Variants in ABL1 observed in about 807,000 individuals in gnomAD.
ABL1 encodes tyrosine-protein kinase ABL1.
ABL1 carries 11 observed loss-of-function variants against 94.7 expected under a neutral mutation model. That is an observed-to-expected ratio of 0.12 (90% CI 0.07 to 0.19). The LOEUF is 0.19. ABL1 is among the 10% of genes least tolerant of loss of function. The pLI is 1.00. For synonymous variants in ABL1, 656 were observed against 622.4 expected (o/e 1.05, Z -0.80); for missense variants, 1,082 against 1,489.4 (o/e 0.73, Z 4.50).
intron 10 of ABL1, among the ~76,000 whole-genome samples, chr9:130,881,408 A>C (rs1831450288): frequency 6.6e-6 from 1 of 151,950 alleles, no homozygotes; most frequent in African/African-American, 2.4e-5. Context: ...GGTTTCACTG[A>C]CTCACAGTTC....
rs12338392 is a variant in ABL1, at chr9:130,815,112, T to A, written c.137-38952T>A. On this transcript the variant is annotated intron_variant, in intron 1 of 10. Coordinates refer to the ABL1 transcript ENST00000372348. The stretch of plus-strand genomic sequence containing the variant: ...ACTTTGGGAGGCTGAGGCAGGTGGA[T>A]CACCTGAGGTCAGGAGTTACAAACC... Among the ~76,000 whole-genome samples, 998 of 152,176 alleles carry A rather than the reference T, an allele frequency of 6.6e-3. 13 individuals are homozygous for A. The highest frequency in any genetic ancestry group is 0.023 in the African/African-American group (935 of 41,502).
At chr9:130,787,640 C>A (rs1008655523) in intron 1 of ABL1, among the ~76,000 whole-genome samples, 2 of 152,152 alleles carry the variant, frequency 1.3e-5, no homozygotes, top group Admixed American at 6.6e-5. Context: ...GGGGTGCTCT[C>A]TCCAGCCTCG....
chr9:130,847,023 CAG>C (rs1830783773), intron 1 of ABL1, among the ~76,000 whole-genome samples: 1 of 151,938 alleles, frequency 6.6e-6, no homozygotes, highest in Non-Finnish European at 1.5e-5. Context: ...CTGTCATAGA[CAG>C]AGCCAGAGCT....
In ABL1 at chr9:130,863,765, C is replaced by T. The variant is rs922387116; in HGVS notation, c.822+730C>T. ...CCCTTTGCATTCTTCAAAATGTGAT[C>T]CAGGCTTTTCCCTGTGGCGAGGGTG... On this transcript the variant is annotated intron_variant, in intron 4 of 10. Coordinates refer to ENST00000318560, the MANE Select transcript of ABL1 (RefSeq NM_005157.6). This position sits in a 1 kb window ranked among gnomAD's most constrained non-coding sequence, Gnocchi z 4.3. 6.6e-6 allele frequency among the ~76,000 whole-genome samples: 1 copy of T among 152,178 alleles called. No homozygotes were observed. The highest frequency in any genetic ancestry group is 1.5e-5 in the Non-Finnish European group (1 of 68,022).
intron 1 of ABL1, among the ~76,000 whole-genome samples, chr9:130,846,095 GTGTGTGTGTGTGTGCT>G (rs540346257): frequency 0.019 from 2,858 of 151,938 alleles, 37 homozygotes; most frequent in Middle Eastern, 0.061. Flanking sequence ...GTGTGTGTGT[GTGTGTGTGTGTGTGCT>G]TGTGTGTGTG....
chr9:130,845,992 C>T (rs963297075), intron 1 of ABL1, among the ~76,000 whole-genome samples: 2 of 152,200 alleles, frequency 1.3e-5, no homozygotes, highest in Non-Finnish European at 2.9e-5. Flanking sequence ...CTTTCCCCCA[C>T]TGCCCTGCCC....
chr9:130,786,496 A>G (rs529326805), intron 1 of ABL1, among the ~76,000 whole-genome samples: 2 of 152,328 alleles, frequency 1.3e-5, no homozygotes, highest in African/African-American at 4.8e-5. Context: ...TAATTCTTTT[A>G]TTAAATTTTC....
chr9:130,884,082 A>T lies in ABL1; in HGVS notation c.1792A>T (p.Asn598Tyr). ...CCTTCTCCCCAAAGACAAAAAGACC[A>T]ACTTGTTCAGCGCCTTGATCAAGAA... Reference protein sequence around the residue: ...ERLLPKDKKTNLFSALIKKKK... With the variant: ...ERLLPKDKKTYLFSALIKKKK... Residue 598 changes from asparagine (N) to tyrosine (Y), a missense_variant, in exon 11 of 11, where the codon AAC (asparagine) becomes TAC (tyrosine). This residue lies in a region of ABL1 where 780 missense variants were observed against 835.8 expected (regional missense o/e 0.93). Transcript: ENST00000318560. The surrounding 1 kb of genome is among the most constrained non-coding windows in gnomAD (Gnocchi z 5.6). 6.2e-7 allele frequency: 1 copy of T among 1,613,920 alleles called. No individual in the cohort carries two copies.
chr9:130,714,646 A>G (rs909538567), intron 1 of ABL1: 7 of 776,768 alleles, frequency 9.0e-6, no homozygotes, highest in African/African-American at 8.6e-5. Context: ...GCTTTATTCA[A>G]AATCTATTTG....
chr9:130,821,316 AGGC>A (rs1272687321), intron 1 of ABL1, among the ~76,000 whole-genome samples: 1 of 152,094 alleles, frequency 6.6e-6, no homozygotes, highest in Non-Finnish European at 1.5e-5. Context: ...TTCCAGCCCC[AGGC>A]GACCATTCAT....
In ABL1 at chr9:130,844,135, G is replaced by A. The variant is rs114045850; in HGVS notation, c.79+8610G>A. Among the ~76,000 whole-genome samples, 924 of 152,258 alleles carry A rather than the reference G, an allele frequency of 6.1e-3. 8 individuals are homozygous for A. The highest frequency in any genetic ancestry group is 0.021 in the African/African-American group (863 of 41,540). On this transcript the variant is annotated intron_variant, in intron 1 of 10. Transcript: ENST00000318560. ...AAGCCCATGCTCTCTTCTGCCTCTC[G>A]GCTGGCAGCCATCTCTAAGGGATTT...
intron 1 of ABL1, among the ~76,000 whole-genome samples, chr9:130,810,062 C>G (rs565596750): frequency 1.3e-5 from 2 of 152,212 alleles, no homozygotes; most frequent in East Asian, 3.9e-4. Flanking sequence ...TAGGTATGAG[C>G]AGAAGTAGTA....
In ABL1 at chr9:130,880,776, A is replaced by G; in HGVS notation, c.1678+112A>G. Reference sequence around the variant, plus strand: ...GTGAATGGAGCCCGCACAGAAGGGCAGCCATGGCCTTTGTCAATGGTTCAG... The same window carrying G: ...GTGAATGGAGCCCGCACAGAAGGGCGGCCATGGCCTTTGTCAATGGTTCAG... On this transcript the variant is annotated intron_variant, in intron 10 of 10. Coordinates refer to ENST00000318560, the MANE Select transcript of ABL1 (RefSeq NM_005157.6). This position sits in a 1 kb window ranked among gnomAD's most constrained non-coding sequence, Gnocchi z 4.4. The G allele has an allele frequency of 2.3e-6, 3 of 1,305,034 alleles. No homozygotes were observed. Among genetic ancestry groups the G allele is most frequent in the Admixed American group, 5.2e-5 (2 of 38,594 alleles). The allele number at this position is 1,305,034 out of a possible 1,614,324, so 80.8% of individuals were successfully genotyped here.
intron 1 of ABL1, among the ~76,000 whole-genome samples, chr9:130,819,391 CTCA>C (rs1830329021): frequency 6.6e-6 from 1 of 151,936 alleles, no homozygotes; most frequent in Non-Finnish European, 1.5e-5. Context: ...AATAAATTTT[CTCA>C]TCCTTTTTTG....
chr9:130,785,921 T>G (rs1012904850), intron 1 of ABL1, among the ~76,000 whole-genome samples: 1 of 99,088 alleles, frequency 1.0e-5, no homozygotes, highest in African/African-American at 4.3e-5. Context: ...GAACTCTGTC[T>G]CAAAACTAAA....
chr9:130,728,659 G>A (rs546785686), intron 1 of ABL1, among the ~76,000 whole-genome samples: 19 of 151,112 alleles, frequency 1.3e-4, no homozygotes, highest in African/African-American at 4.6e-4. Context: ...CAAAGTGCTG[G>A]GATTACAGGC....
In ABL1 at chr9:130,773,666, GT is replaced by G. The variant is rs112815711; in HGVS notation, c.136+59215del. Among the ~76,000 whole-genome samples the G allele has an allele frequency of 9.7e-4, 144 of 148,782 alleles. 4 individuals carry two copies. The highest frequency in any genetic ancestry group is 3.5e-3 in the African/African-American group (141 of 40,342). On this transcript the variant is annotated intron_variant, in intron 1 of 10. Transcript: ENST00000372348. Reference sequence around the variant, plus strand: ...TTTTTTTTCATTTTGTAGAGATGGGGTTTTGGGGTTTTACCATGTTGCCTAG... The same window carrying G: ...TTTTTTTTCATTTTGTAGAGATGGGGTTTGGGGTTTTACCATGTTGCCTAG...
exon 1 of ABL1, chr9:130,713,910 G>A (rs1305178761): frequency 1.7e-5 from 4 of 233,140 alleles, no homozygotes; most frequent in African/African-American, 8.8e-5. Context: ...AAAAGTTCTG[G>A]AGGAGTAGCC....
At chr9:130,818,015 C>T (rs1389465232) in intron 1 of ABL1, among the ~76,000 whole-genome samples, 1 of 152,172 alleles carries the variant, frequency 6.6e-6, no homozygotes, top group African/African-American at 2.4e-5. Flanking sequence ...GGAGACCCTG[C>T]CACAGTATTT....
Sources: gnomAD v4.1 joint callset for allele counts (sites outside exome capture counted in the v4.1 genomes callset) on GRCh38, gnomAD v4.1.1 for gene constraint, gnomAD v4.1.1 regional missense constraint, Gnocchi (gnomAD v3.1) non-coding constraint, MANE v1.5 for transcripts, NCBI Gene and HGNC (gene_info 2026-07-23, HGNC 2026-07-21) for gene names.